The following PHF2 variants were observed in gnomAD, a reference collection of about 807,000 sequenced individuals.
The protein encoded by PHF2 is PHD finger protein 2, also known as lysine-specific demethylase PHF2.
A neutral mutation model predicts 120.5 loss-of-function variants in PHF2; 27 were observed. The ratio of observed to expected loss-of-function variants is 0.22; its 90% CI spans 0.17 to 0.31. The LOEUF (loss-of-function observed/expected upper bound fraction) is 0.31, where lower values mean the gene tolerates loss of function less well. PHF2 is among the 10% of genes least tolerant of loss of function. The pLI is 1.00. For missense variants in PHF2, 1,024 were observed against 1,434.8 expected, an observed-to-expected ratio of 0.71 and a Z score of 4.63; for synonymous variants, 568 against 592.5, an observed-to-expected ratio of 0.96 and a Z score of 0.60.
rs751699994 is a variant in PHF2 at position 93,667,115 on chromosome 9, C to G, written c.2223C>G (p.Ile741Met). ...CCTCGGACGAGGGTTCGCTGCACAT[C>G]GACACAGACACCAAGCCCGGCCGCA... The part of the protein sequence containing the change: ...DDSSDEGSLH[I>M]DTDTKPGRNA... Residue 741 changes from isoleucine to methionine, a missense_variant, in exon 17 of 22, where the codon ATC becomes ATG. Physicochemically the swap from Ile to Met is conservative, Grantham distance 10 (BLOSUM62 1). Coordinates refer to ENST00000359246, the MANE Select transcript of PHF2 (RefSeq NM_005392.4). 6.2e-7 allele frequency: 1 copy of G among 1,613,200 alleles called. No individual in the cohort carries two copies. The highest frequency in any genetic ancestry group is 8.5e-7 in the Non-Finnish European group (1 of 1,179,974).
In PHF2 at chr9:93,629,916, G is replaced by A. The variant is rs375831049; in HGVS notation, c.99-54G>A. The A allele has an allele frequency of 1.2e-5, 18 of 1,551,278 alleles. No individual in the cohort carries two copies. In the African/African-American group the frequency reaches 1.9e-4, roughly 16 times the overall value. On this transcript the variant is annotated intron_variant, in intron 1 of 21. Coordinates refer to ENST00000359246, the MANE Select transcript of PHF2 (RefSeq NM_005392.4). ...CTCCCTAGAGCTTCGCAGATGGAAA[G>A]TGCTTGAGGGGGTGCTGAATGCCTA...
intron 1 of PHF2, among the ~76,000 whole-genome samples, chr9:93,623,408 G>A (rs547475564): frequency 5.3e-5 from 8 of 152,310 alleles, no homozygotes; most frequent in South Asian, 2.1e-4. Context: ...GTGAGTGCAC[G>A]TGACGTTTTC....
intron 1 of PHF2, among the ~76,000 whole-genome samples, chr9:93,588,161 G>A (rs747900611): frequency 1.3e-5 from 2 of 152,206 alleles, no homozygotes; most frequent in Non-Finnish European, 2.9e-5. Flanking sequence ...CTGCGGACCT[G>A]TTTATCTCAG....
chr9:93,610,749 TA>T (rs1825620223), intron 1 of PHF2, among the ~76,000 whole-genome samples: 1 of 152,220 alleles, frequency 6.6e-6, no homozygotes, highest in Admixed American at 6.5e-5. Flanking sequence ...GGAGTATCTG[TA>T]TATGCTTGCC....
chr9:93,664,281 G>A (rs1045433537), intron 14 of PHF2, among the ~76,000 whole-genome samples: 4 of 152,156 alleles, frequency 2.6e-5, no homozygotes, highest in Admixed American at 1.3e-4. Context: ...AGATTAGGGG[G>A]TGTGTTTGGG....
chr9:93,673,110 T>C (rs1015895262), intron 17 of PHF2, among the ~76,000 whole-genome samples: 9 of 151,842 alleles, frequency 5.9e-5, no homozygotes, highest in African/African-American at 2.2e-4. Flanking sequence ...GGGTGACACA[T>C]GGGAAGGTTC....
At chr9:93,581,022 C>G (rs943520675) in intron 1 of PHF2, among the ~76,000 whole-genome samples, 2 of 151,992 alleles carry the variant, frequency 1.3e-5, no homozygotes, top group African/African-American at 4.8e-5. Context: ...GGACTGGGGT[C>G]GGTAGAAGGG....
chr9:93,675,372 C>T (rs903670337), intron 19 of PHF2, among the ~76,000 whole-genome samples: 1 of 152,264 alleles, frequency 6.6e-6, no homozygotes, highest in Non-Finnish European at 1.5e-5. Flanking sequence ...CTGAGGGACA[C>T]CTGCTGGGGC....
rs544292720 is a variant in PHF2, at chr9:93,609,553, G to GT, written c.99-20404dup. On this transcript the variant is annotated intron_variant, in intron 1 of 21. Transcript: ENST00000359246. ...TTGCTGGATACAGAATTCTAGGTTG[G>GT]TTTTTTTTTTTTTCTTTCAACACTT... Among the ~76,000 whole-genome samples the GT allele has an allele frequency of 8.8e-3, 1,248 of 142,010 alleles. 6 individuals are homozygous for GT. The highest frequency in any genetic ancestry group is 0.018 in the Middle Eastern group (5 of 272). The allele number at this position is 142,010 out of a possible 152,430, so 93.2% of individuals were successfully genotyped here.
At chr9:93,645,514 G>A in intron 3 of PHF2, 115 bp from the exon 4 acceptor site, 1 of 1,075,720 alleles carries the variant, frequency 9.3e-7, no homozygotes, top group Middle Eastern at 3.1e-4. Flanking sequence ...TGTGGCTGTG[G>A]GAGGTGGGTG....
intron 1 of PHF2, among the ~76,000 whole-genome samples, chr9:93,581,050 T>C (rs921033636): frequency 2.0e-5 from 3 of 152,026 alleles, no homozygotes; most frequent in Admixed American, 2.0e-4. Flanking sequence ...CTGGAAGTGC[T>C]CAGAAGGTAG....
intron 2 of PHF2, 81 bp downstream of exon 2, chr9:93,630,136 C>T (rs1189958544): frequency 7.1e-7 from 1 of 1,400,160 alleles, no homozygotes; most frequent in East Asian, 2.3e-5. Context: ...AGGGTGAGGT[C>T]TCTGCTGGGC....
intron 1 of PHF2, among the ~76,000 whole-genome samples, chr9:93,581,976 T>A (rs944813550): frequency 1.3e-5 from 2 of 150,796 alleles, no homozygotes; most frequent in Admixed American, 6.6e-5. Flanking sequence ...CATCTCTTGG[T>A]TTTTTTAAAT....
chr9:93,577,198 C>T (rs990475661), intron 1 of PHF2, among the ~76,000 whole-genome samples: 2 of 150,730 alleles, frequency 1.3e-5, no homozygotes, highest in Non-Finnish European at 3.0e-5. Context: ...CGCCTGTCAG[C>T]TGGGTCGCGG....
intron 17 of PHF2, among the ~76,000 whole-genome samples, chr9:93,673,106 C>T (rs1485901590): frequency 6.6e-6 from 1 of 151,900 alleles, no homozygotes. Flanking sequence ...CTCAGGGTGA[C>T]ACATGGGAAG....
At chr9:93,606,976 T>C (rs10761243) in intron 1 of PHF2, among the ~76,000 whole-genome samples, 5 of 151,988 alleles carry the variant, frequency 3.3e-5, no homozygotes, top group African/African-American at 1.2e-4. Flanking sequence ...GTTGTATTGC[T>C]TTTGTTCCTT....
At chr9:93,619,380 T>A (rs1208487953) in intron 1 of PHF2, among the ~76,000 whole-genome samples, 1 of 152,224 alleles carries the variant, frequency 6.6e-6, no homozygotes, top group Non-Finnish European at 1.5e-5. Flanking sequence ...TTCGGCGTCC[T>A]GGGCTGGCAT....
At chr9:93,601,459 CT>C (rs34091968) in intron 1 of PHF2, among the ~76,000 whole-genome samples, 47,124 of 152,070 alleles carry the variant, frequency 0.31, 8,284 homozygotes, top group Non-Finnish European at 0.4. Context: ...AGGGCCTAGT[CT>C]TTTTTTCCCT....
rs934842884 is a variant in PHF2, at chr9:93,677,923, A to C, written c.*247A>C. On this transcript the variant is annotated 3_prime_UTR_variant, in exon 22 of 22. Coordinates refer to ENST00000359246, the MANE Select transcript of PHF2 (RefSeq NM_005392.4). This position sits in a 1 kb window ranked among gnomAD's most constrained non-coding sequence, Gnocchi z 4.4. ...TCTGTCCCAGAAAAGCGGCCCTGCA[A>C]GTTTGAGGACCGCTTATTCCACTTT... 1.0e-5 allele frequency: 5 copies of C among 500,492 alleles called. No individual in the cohort carries two copies. Among genetic ancestry groups the C allele is most frequent in the African/African-American group, 9.7e-5 (5 of 51,628 alleles). The allele number at this position is 500,492 out of a possible 1,614,324, so 31.0% of individuals were successfully genotyped here. A position where few individuals can be genotyped will look rare whatever the true frequency, so the allele number is the denominator to read the frequency against.
Sources: gnomAD v4.1 joint callset for allele counts (sites outside exome capture counted in the v4.1 genomes callset) on GRCh38, gnomAD v4.1.1 for gene constraint, Gnocchi (gnomAD v3.1) non-coding constraint, MANE v1.5 for transcripts, NCBI Gene and HGNC (gene_info 2026-07-23, HGNC 2026-07-21) for gene names.